Variants in HNRNPC observed in about 807,000 individuals in gnomAD.
HNRNPC encodes heterogeneous nuclear ribonucleoprotein C.
Under a neutral mutation model 33.2 loss-of-function variants are expected in HNRNPC, and 3 were observed. That is an observed-to-expected ratio of 0.09 (90% confidence interval 0.04 to 0.23). The LOEUF is 0.23. Among genes scored for constraint, HNRNPC ranks in the 10% least tolerant of loss-of-function variants. The pLI, the probability that HNRNPC is intolerant of heterozygous loss-of-function variation, is 1.00. For missense variants in HNRNPC, 143 were observed against 366.7 expected (o/e 0.39, Z 4.98); for synonymous variants, 121 against 126.7 (o/e 0.96, Z 0.30).
chr14:21,260,635 A>G (rs1482896551), intron 2 of HNRNPC, among the ~76,000 whole-genome samples: 1 of 151,890 alleles, frequency 6.6e-6, no homozygotes, highest in Non-Finnish European at 1.5e-5. Flanking sequence ...CCTGGCCAAC[A>G]TGGCATCTCT....
At chr14:21,211,621 A>T in intron 7 of HNRNPC, 55 bp from the exon 8 acceptor site, 1 of 1,555,382 alleles carries the variant, frequency 6.4e-7, no homozygotes, top group East Asian at 2.3e-5. Flanking sequence ...CAGGACGTAG[A>T]CAATCCCCAC....
chr14:21,219,235 A>G (rs17792558), intron 5 of HNRNPC, among the ~76,000 whole-genome samples: 9,074 of 152,248 alleles, frequency 0.06, 407 homozygotes, highest in Non-Finnish European at 0.087. Flanking sequence ...TAAGGAACAG[A>G]TATGATTGCT....
At chr14:21,216,193 C>G (rs1030514166) in intron 5 of HNRNPC, among the ~76,000 whole-genome samples, 1 of 148,984 alleles carries the variant, frequency 6.7e-6, no homozygotes, top group South Asian at 2.1e-4. Flanking sequence ...AAGACATGTA[C>G]TAAGAAGAGG....
At chr14:21,212,428 C>A (rs1016481449) in intron 6 of HNRNPC, among the ~76,000 whole-genome samples, 1 of 152,150 alleles carries the variant, frequency 6.6e-6, no homozygotes, top group Non-Finnish European at 1.5e-5. Context: ...AAAAAAATCT[C>A]AGGAACTTAA....
intron 2 of HNRNPC, among the ~76,000 whole-genome samples, chr14:21,248,791 GA>G (rs1896286331): frequency 6.6e-6 from 1 of 152,194 alleles, no homozygotes; most frequent in African/African-American, 2.4e-5. Flanking sequence ...TGCATTTCCA[GA>G]AAACGGGATC....
At chr14:21,219,122 A>AGAAG (rs1555351426) in intron 5 of HNRNPC, among the ~76,000 whole-genome samples, 3 of 150,392 alleles carry the variant, frequency 2.0e-5, no homozygotes, top group African/African-American at 7.3e-5. Context: ...AAAAAAAAAA[A>AGAAG]AAGAAGAAAA....
chr14:21,213,054 C>T lies in HNRNPC; in HGVS notation c.429G>A (p.Ser143=), dbSNP rs61745722. 40,839 of 1,613,918 alleles carry T rather than the reference C, an allele frequency of 0.025. 583 individuals are homozygous for T. Among genetic ancestry groups the T allele is most frequent in the Non-Finnish European group, 0.029 (34,720 of 1,179,872 alleles). The stretch of plus-strand genomic sequence containing the variant: ...TGTTTCCTGATACACGCTGACGTTT[C>T]GAGGGCACTACAGCCCGAGCAATAG... The part of the protein sequence containing the change: ...PPPIARAVVP[S]KRQRVSGNTS... Residue 143 remains serine (S), a synonymous_variant, in exon 6 of 9, where the codon TCG becomes TCA. Coordinates refer to ENST00000553300, the MANE Select transcript of HNRNPC (RefSeq NM_004500.4).
chr14:21,268,724 T>C (rs922332513), intron 1 of HNRNPC: 1 of 152,220 alleles, frequency 6.6e-6, no homozygotes, highest in Admixed American at 6.5e-5. Flanking sequence ...AATATTTCCT[T>C]TTACAAATGT....
chr14:21,235,430 A>G (rs17102712), intron 2 of HNRNPC, among the ~76,000 whole-genome samples: 24,241 of 152,192 alleles, frequency 0.16, 2,207 homozygotes, highest in Admixed American at 0.24. Flanking sequence ...TTTCATATAT[A>G]CATGACTCCT....
At position 21,231,854 on chromosome 14, in the gene HNRNPC, C is replaced by T. The variant is rs558706813; in HGVS notation, c.242-782G>A. Among the ~76,000 whole-genome samples the T allele has an allele frequency of 4.6e-5, 7 of 152,114 alleles. No homozygotes were observed. The East Asian group carries it at 5.8e-4, about 13-fold the overall frequency. On this transcript the variant is annotated intron_variant, in intron 3 of 8. Coordinates refer to ENST00000553300, the MANE Select transcript of HNRNPC (RefSeq NM_004500.4). ...TTTCCAAGAATGGTTCAGCTCATTC[C>T]GAATTATTACAAATATATTAGAATG...
chr14:21,266,751 G>A (rs1279299852), intron 1 of HNRNPC, among the ~76,000 whole-genome samples: 2 of 150,998 alleles, frequency 1.3e-5, no homozygotes, highest in African/African-American at 4.9e-5. Context: ...TAAAGTACTT[G>A]AAGACTGAAA....
At chr14:21,220,255 G>A (rs1416237643) in intron 5 of HNRNPC, among the ~76,000 whole-genome samples, 1 of 111,900 alleles carries the variant, frequency 8.9e-6, no homozygotes, top group Non-Finnish European at 2.1e-5. Context: ...TTTTTTTTTG[G>A]AGACAGAGTT....
At chr14:21,243,338 T>C (rs1003377623) in intron 2 of HNRNPC, among the ~76,000 whole-genome samples, 2 of 152,064 alleles carry the variant, frequency 1.3e-5, no homozygotes, top group African/African-American at 4.8e-5. Context: ...GTCAACAAAC[T>C]TTGAAATCAT....
At chr14:21,253,797 G>A (rs952005680) in intron 2 of HNRNPC, among the ~76,000 whole-genome samples, 5 of 152,080 alleles carry the variant, frequency 3.3e-5, no homozygotes, top group African/African-American at 4.8e-5. Flanking sequence ...CAGGCGCGGT[G>A]GCTCAGGCCT....
chr14:21,234,332 G>GT (rs1894435088), intron 2 of HNRNPC, 103 bp from the exon 3 acceptor site: 1 of 1,030,108 alleles, frequency 9.7e-7, no homozygotes, highest in Admixed American at 2.7e-5. Context: ...ACTGCCCAGA[G>GT]TATTAGGCAA....
At chr14:21,253,260 AAGTCAGG>A (rs1181426197) in intron 2 of HNRNPC, among the ~76,000 whole-genome samples, 6 of 151,064 alleles carry the variant, frequency 4.0e-5, no homozygotes, top group Non-Finnish European at 7.4e-5. Flanking sequence ...GTGAATTATG[AAGTCAGG>A]AGATCAAGAC....
chr14:21,261,222 C>G (rs554456331), intron 2 of HNRNPC, among the ~76,000 whole-genome samples: 3 of 152,198 alleles, frequency 2.0e-5, no homozygotes, highest in South Asian at 4.2e-4. Context: ...CACTAAGCTG[C>G]GAAGCCCTTA....
intron 5 of HNRNPC, among the ~76,000 whole-genome samples, chr14:21,224,450 G>A (rs1893187433): frequency 1.3e-5 from 2 of 152,086 alleles, no homozygotes; most frequent in Non-Finnish European, 2.9e-5. Context: ...CCCCCTTCAT[G>A]TAACCATTAA....
At chr14:21,241,350 T>G (rs962168947) in intron 2 of HNRNPC, among the ~76,000 whole-genome samples, 1 of 151,760 alleles carries the variant, frequency 6.6e-6, no homozygotes, top group Non-Finnish European at 1.5e-5. Context: ...TTCTATATAC[T>G]AAATATGCTA....
Sources: gnomAD v4.1 joint callset for allele counts (sites outside exome capture counted in the v4.1 genomes callset) on GRCh38, gnomAD v4.1.1 for gene constraint, MANE v1.5 for transcripts, NCBI Gene and HGNC (gene_info 2026-07-23, HGNC 2026-07-21) for gene names.